CALD1: variants seen among roughly 807,000 people sequenced by gnomAD.
CALD1 encodes caldesmon.
Under a neutral mutation model 99.9 loss-of-function variants are expected in CALD1, and 33 were observed. The ratio of observed to expected loss-of-function variants is 0.33; its 90% CI spans 0.25 to 0.44. CALD1 has a LOEUF of 0.44. Among genes scored for constraint, CALD1 ranks in the 20% least tolerant of loss-of-function variants. CALD1 has a pLI of 1.00. For synonymous variants in CALD1, 310 were observed against 325.0 expected (o/e 0.95, Z 0.50); for missense variants, 861 against 962.1 (o/e 0.89, Z 1.39).
At chr7:134,869,545 G>C (rs1368327712) in intron 3 of CALD1, among the ~76,000 whole-genome samples, 1 of 152,174 alleles carries the variant, frequency 6.6e-6, no homozygotes, top group Non-Finnish European at 1.5e-5. Context: ...AACCTTTTAG[G>C]AGAGCAAAGA....
At chr7:134,751,742 C>G (rs1044317458) in intron 1 of CALD1, among the ~76,000 whole-genome samples, 1 of 152,060 alleles carries the variant, frequency 6.6e-6, no homozygotes, top group Non-Finnish European at 1.5e-5. Context: ...TTCAGGAGGC[C>G]GAGGCAGTGA....
intron 1 of CALD1, among the ~76,000 whole-genome samples, chr7:134,758,518 G>A (rs1028062263): frequency 8.7e-5 from 10 of 115,110 alleles, no homozygotes; most frequent in African/African-American, 2.1e-4. Context: ...GTGTGTGTGT[G>A]TGTGTGTGTG....
intron 2 of CALD1, among the ~76,000 whole-genome samples, chr7:134,861,908 A>G (rs1203640684): frequency 2.6e-5 from 4 of 152,214 alleles, no homozygotes; most frequent in African/African-American, 9.6e-5. Flanking sequence ...TGTGTAATGA[A>G]GAAGGTACAA....
intron 1 of CALD1, among the ~76,000 whole-genome samples, chr7:134,774,321 A>G (rs936017291): frequency 2.6e-5 from 4 of 152,066 alleles, no homozygotes; most frequent in South Asian, 4.1e-4. Flanking sequence ...GAATCCTTCA[A>G]TTTCCTGTCT....
At chr7:134,823,920 A>T (rs1317875580) in intron 1 of CALD1, among the ~76,000 whole-genome samples, 1 of 152,228 alleles carries the variant, frequency 6.6e-6, no homozygotes, top group Non-Finnish European at 1.5e-5. Context: ...CATAAACCAA[A>T]TATAAAGAAC....
intron 9 of CALD1, among the ~76,000 whole-genome samples, chr7:134,954,515 G>A (rs1029172747): frequency 6.6e-6 from 1 of 152,202 alleles, no homozygotes; most frequent in African/African-American, 2.4e-5. Flanking sequence ...TAGCAGGAGT[G>A]CATCAGTAAA....
chr7:134,767,208 T>TGTGTGTGTGTGTGC (rs1796834399), intron 1 of CALD1, among the ~76,000 whole-genome samples: 1 of 150,234 alleles, frequency 6.7e-6, no homozygotes, highest in Non-Finnish European at 1.5e-5. Flanking sequence ...TGTGTGTGTG[T>TGTGTGTGTGTGTGC]GTGTGTGTGT....
intron 1 of CALD1, among the ~76,000 whole-genome samples, chr7:134,834,654 GC>G (rs1273146140): frequency 3.3e-5 from 5 of 152,290 alleles, no homozygotes; most frequent in Admixed American, 6.5e-5. Flanking sequence ...AGATATGCAA[GC>G]CCTGTTTACT....
chr7:134,802,088 T>C (rs1030367056), intron 1 of CALD1, among the ~76,000 whole-genome samples: 7 of 142,446 alleles, frequency 4.9e-5, no homozygotes, highest in African/African-American at 1.8e-4. Flanking sequence ...AAGTGTAATA[T>C]ATATGTGTAT....
intron 1 of CALD1, among the ~76,000 whole-genome samples, chr7:134,794,831 TA>T (rs1797687664): frequency 6.6e-6 from 1 of 152,152 alleles, no homozygotes; most frequent in South Asian, 2.1e-4. Flanking sequence ...ATAGAATAAA[TA>T]TTTTTTTCAG....
the CALD1 span, among the ~76,000 whole-genome samples, chr7:134,723,167 G>A: frequency 6.6e-6 from 1 of 152,200 alleles, no homozygotes; most frequent in Non-Finnish European, 1.5e-5. Flanking sequence ...TTGAGTTTCA[G>A]TTCTTGCGTA....
rs934040653 is a variant in CALD1 at position 134,783,561 on chromosome 7, C to T, written c.-130+3812C>T. On this transcript the variant is annotated intron_variant, in intron 1 of 14. Transcript: ENST00000361675. This position sits in a 1 kb window ranked among gnomAD's most constrained non-coding sequence, Gnocchi z 4.3. ...GTGGGTAAGGCTATGGGAGCGGGGTCGGGGGGAAACTATGACCTGGGCTGT... is the reference window on the plus strand; with the variant it reads ...GTGGGTAAGGCTATGGGAGCGGGGTTGGGGGGAAACTATGACCTGGGCTGT... Among the ~76,000 whole-genome samples, 2 of 151,758 alleles carry T rather than the reference C, an allele frequency of 1.3e-5. No homozygotes were observed. The highest frequency in any genetic ancestry group is 6.6e-5 in the Admixed American group (1 of 15,216).
chr7:134,856,369 A>C (rs1800301899), intron 2 of CALD1, among the ~76,000 whole-genome samples: 2 of 152,194 alleles, frequency 1.3e-5, no homozygotes, highest in East Asian at 3.8e-4. Flanking sequence ...TCCTGTAGCC[A>C]ATGGGTAGCC....
chr7:134,770,636 C>A (rs1796869492), intron 1 of CALD1, among the ~76,000 whole-genome samples: 1 of 152,162 alleles, frequency 6.6e-6, no homozygotes, highest in Admixed American at 6.5e-5. Context: ...TCAGGCCCAC[C>A]TGGACAATCC....
chr7:134,928,637 T>A, intron 3 of CALD1, 117 bp from the exon 4 acceptor site: 2 of 868,822 alleles, frequency 2.3e-6, no homozygotes. Flanking sequence ...CTTTTAGACG[T>A]ATGTGGTTCA....
intron 1 of CALD1, among the ~76,000 whole-genome samples, chr7:134,794,662 T>G (rs1215482946): frequency 6.6e-6 from 1 of 152,098 alleles, no homozygotes; most frequent in Non-Finnish European, 1.5e-5. Context: ...AATTTTTGTA[T>G]TTTTAGTAGA....
intron 2 of CALD1, among the ~76,000 whole-genome samples, chr7:134,863,656 G>T (rs1009098104): frequency 6.6e-6 from 1 of 152,216 alleles, no homozygotes; most frequent in African/African-American, 2.4e-5. Flanking sequence ...TATCTATAGT[G>T]AGGGCTACAT....
intron 3 of CALD1, among the ~76,000 whole-genome samples, chr7:134,870,727 CCTCTCTCT>C (rs139103344): frequency 1.3e-5 from 2 of 148,514 alleles, no homozygotes; most frequent in East Asian, 3.9e-4. Flanking sequence ...TTCCTTCCTT[CCTCTCTCT>C]CTCTCTCTCT....
the CALD1 span, among the ~76,000 whole-genome samples, chr7:134,726,469 T>C: frequency 7.2e-6 from 1 of 138,018 alleles, no homozygotes; most frequent in African/African-American, 2.6e-5. Context: ...TTATATAGCT[T>C]TAGATATATA....
Sources: gnomAD v4.1 joint callset for allele counts (sites outside exome capture counted in the v4.1 genomes callset) on GRCh38, gnomAD v4.1.1 for gene constraint, Gnocchi (gnomAD v3.1) non-coding constraint, MANE v1.5 for transcripts, NCBI Gene and HGNC (gene_info 2026-07-23, HGNC 2026-07-21) for gene names.